RTL9: variants seen among roughly 807,000 people sequenced by gnomAD.
The protein encoded by RTL9 is retrotransposon Gag like 9, also known as retrotransposon Gag-like protein 9.
Under a neutral mutation model 44.7 loss-of-function variants are expected in RTL9, and 19 were observed. That is an observed-to-expected ratio of 0.42 (90% confidence interval 0.30 to 0.62). The LOEUF (loss-of-function observed/expected upper bound fraction) is 0.62. Ranked by LOEUF, RTL9 falls within the 20% of genes least tolerant of loss-of-function variation. The pLI is 0.16. For missense variants in RTL9, 1,105 were observed against 1,080.6 expected (o/e 1.02, Z -0.32); for synonymous variants, 407 against 398.9 (o/e 1.02, Z -0.24).
intron 1 of RTL9, among the ~76,000 whole-genome samples, chrX:110,431,858 G>A (rs1414896829): frequency 8.9e-6 from 1 of 111,906 alleles, no homozygotes; most frequent in East Asian, 2.8e-4. Context: ...AGCTGGCAAG[G>A]TCTGGGCTAC....
chrX:110,454,061 C>T (rs2068965368), exon 1 of RTL9: 1 of 1,212,176 alleles, frequency 8.2e-7, no homozygotes. Flanking sequence ...CCCCAGCACT[C>T]TGCTACCTCT....
chrX:110,445,998 G>T (rs190002515), upstream of RTL9, among the ~76,000 whole-genome samples: 1 of 112,190 alleles, frequency 8.9e-6, no homozygotes, highest in Admixed American at 9.4e-5. Flanking sequence ...GAAGCAGGCT[G>T]ATGAAAATAG....
chrX:110,359,170 G>T (rs2068246180), intron 1 of RTL9, among the ~76,000 whole-genome samples: 1 of 111,173 alleles, frequency 9.0e-6, no homozygotes, highest in Non-Finnish European at 1.9e-5. Context: ...AGGCAGTCTG[G>T]ATCTAGTGGC....
intron 1 of RTL9, among the ~76,000 whole-genome samples, chrX:110,413,029 C>T (rs962099833): frequency 3.7e-4 from 41 of 111,858 alleles, no homozygotes; most frequent in Non-Finnish European, 5.6e-5. Context: ...GGCTTCACAT[C>T]CCCCAGTTCT....
At chrX:110,455,006 C>A (rs913142521) in intron 1 of RTL9, among the ~76,000 whole-genome samples, 196 bp from the exon 4 acceptor site, 2 of 111,450 alleles carry the variant, frequency 1.8e-5, no homozygotes, top group African/African-American at 3.3e-5. Flanking sequence ...GGAGCTGGGG[C>A]CCATCTACAG....
chrX:110,406,633 C>G (rs933632867), intron 1 of RTL9, among the ~76,000 whole-genome samples: 1 of 111,700 alleles, frequency 9.0e-6, no homozygotes. Context: ...GTAATGGGAT[C>G]GCTGGGTCAA....
intron 1 of RTL9, among the ~76,000 whole-genome samples, chrX:110,424,370 C>T (rs2068739743): frequency 9.0e-6 from 1 of 111,717 alleles, no homozygotes; most frequent in South Asian, 3.8e-4. Context: ...TCTATTTATC[C>T]AGAACTGCAT....
At chrX:110,369,047 T>C (rs1008048738) in intron 1 of RTL9, among the ~76,000 whole-genome samples, 1 of 112,064 alleles carries the variant, frequency 8.9e-6, no homozygotes. Flanking sequence ...AGAAAGATCT[T>C]TGTGGCTGTG....
intron 1 of RTL9, among the ~76,000 whole-genome samples, chrX:110,393,237 C>G (rs988476767): frequency 9.2e-6 from 1 of 108,731 alleles, no homozygotes; most frequent in African/African-American, 3.4e-5. Flanking sequence ...CTTCCAGGAC[C>G]CTCATTTTCC....
At chrX:110,434,606 C>T (rs1421799311) in intron 1 of RTL9, among the ~76,000 whole-genome samples, 1 of 111,643 alleles carries the variant, frequency 9.0e-6, no homozygotes, top group African/African-American at 3.3e-5. Context: ...GTGATACTGT[C>T]AACTGAGGCA....
At chrX:110,423,151 A>G (rs1175128064) in intron 1 of RTL9, among the ~76,000 whole-genome samples, 1 of 111,202 alleles carries the variant, frequency 9.0e-6, no homozygotes, top group Non-Finnish European at 1.9e-5. Context: ...AACATGGCGA[A>G]ACCCTGTCCC....
intron 1 of RTL9, among the ~76,000 whole-genome samples, chrX:110,432,679 G>A (rs1031394550): frequency 2.7e-5 from 3 of 112,114 alleles, no homozygotes; most frequent in Non-Finnish European, 5.6e-5. Flanking sequence ...GGCAGCACCA[G>A]CTTGAATCAC....
intron 1 of RTL9, among the ~76,000 whole-genome samples, chrX:110,383,782 C>T (rs1319858713): frequency 1.8e-5 from 2 of 111,726 alleles, no homozygotes; most frequent in Non-Finnish European, 3.8e-5. Context: ...TTTGAGCTCT[C>T]ATAGCATTTT....
intron 1 of RTL9, among the ~76,000 whole-genome samples, chrX:110,377,776 G>A (rs1320011329): frequency 1.8e-5 from 2 of 109,435 alleles, no homozygotes; most frequent in African/African-American, 6.7e-5. Context: ...TTGGGAGGCC[G>A]AGGCGGGCGG....
chrX:110,366,752 G>A (rs1209389924), intron 1 of RTL9, among the ~76,000 whole-genome samples: 1 of 111,711 alleles, frequency 9.0e-6, no homozygotes, highest in African/African-American at 3.3e-5. Context: ...CCCAGCAGCC[G>A]AATGAGATTG....
In RTL9 at chrX:110,421,203, C is replaced by G. The variant is rs915377137; in HGVS notation, c.-168+2068C>G. Among the ~76,000 whole-genome samples, 4 of 112,398 alleles carry G rather than the reference C, an allele frequency of 3.6e-5. No individual in the cohort carries two copies. The South Asian group carries it at 1.1e-3, about 31-fold the overall frequency. ...ACCTTTAAAATGCTTTCTAGCCCTT[C>G]AAGGGACCAAGCAGGATTTAACTCT... On this transcript the variant is annotated intron_variant, in intron 1 of 3. Transcript: ENST00000465301.
intron 1 of RTL9, among the ~76,000 whole-genome samples, chrX:110,378,031 A>AAAAAAAAAAAC (rs1481955905): frequency 9.3e-6 from 1 of 107,573 alleles, no homozygotes; most frequent in African/African-American, 3.4e-5. Flanking sequence ...AAAAAAAAAA[A>AAAAAAAAAAAC]ATATCTACCT....
intron 1 of RTL9, among the ~76,000 whole-genome samples, chrX:110,368,631 G>T (rs182114310): frequency 2.4e-4 from 27 of 111,565 alleles, no homozygotes; most frequent in African/African-American, 5.2e-4. Context: ...ACTTTACTCT[G>T]CTTAATTTTT....
intron 1 of RTL9, among the ~76,000 whole-genome samples, chrX:110,387,504 G>A (rs1490873199): frequency 8.9e-6 from 1 of 112,398 alleles, no homozygotes. Context: ...GCAGAATTCA[G>A]TTTGAGACTT....
Sources: gnomAD v4.1 joint callset for allele counts (sites outside exome capture counted in the v4.1 genomes callset) on GRCh38, gnomAD v4.1.1 for gene constraint, MANE v1.5 for transcripts, NCBI Gene and HGNC (gene_info 2026-07-23, HGNC 2026-07-21) for gene names.